Variants in MAD1L1 observed in about 807,000 individuals in gnomAD.
The protein encoded by MAD1L1 is mitotic arrest deficient 1 like 1.
In MAD1L1, 95 loss-of-function variants were observed where a neutral mutation model predicts 96.9. The observed-to-expected ratio is 0.98, with a 90% CI of 0.83 to 1.16. MAD1L1 has a LOEUF of 1.16. MAD1L1 is among the 50% of genes most tolerant of loss of function. The probability of loss-of-function intolerance (pLI) is 0.00; values close to 1 mark genes in which losing one functional copy is unlikely to be tolerated. For synonymous variants in MAD1L1, 473 were observed against 396.6 expected (o/e 1.19, Z -2.29); for missense variants, 1,007 against 954.4 (o/e 1.06, Z -0.73).
intron 17 of MAD1L1, among the ~76,000 whole-genome samples, chr7:1,911,204 C>A (rs1583754098): frequency 6.6e-6 from 1 of 152,152 alleles, no homozygotes. Flanking sequence ...TCAACACCCG[C>A]TGGACACCAG....
At chr7:2,037,144 G>A (rs1783475180) in intron 12 of MAD1L1, among the ~76,000 whole-genome samples, 1 of 152,110 alleles carries the variant, frequency 6.6e-6, no homozygotes, top group Non-Finnish European at 1.5e-5. Flanking sequence ...AGATCTCACC[G>A]GTTCCAGTGC....
At chr7:2,020,077 G>A (rs980096833) in intron 12 of MAD1L1, among the ~76,000 whole-genome samples, 2 of 152,240 alleles carry the variant, frequency 1.3e-5, no homozygotes, top group African/African-American at 4.8e-5. Context: ...CAGCAGCTGC[G>A]AGCTGTTGTG....
intron 10 of MAD1L1, among the ~76,000 whole-genome samples, chr7:2,182,326 A>T: frequency 6.6e-6 from 1 of 152,108 alleles, no homozygotes; most frequent in Non-Finnish European, 1.5e-5. Context: ...GGCTAACCAT[A>T]AGAAAAAAGA....
intron 18 of MAD1L1, chr7:1,847,262 C>A (rs1191670824): frequency 6.4e-6 from 3 of 470,928 alleles, no homozygotes; most frequent in Non-Finnish European, 1.3e-5. Flanking sequence ...CACTGGTTTT[C>A]TTTCGGGACA....
intron 16 of MAD1L1, among the ~76,000 whole-genome samples, chr7:1,939,263 G>GGC (rs1414291714): frequency 7.0e-6 from 1 of 143,530 alleles, no homozygotes; most frequent in Non-Finnish European, 1.5e-5. Context: ...CGGGACCAGA[G>GGC]GCGCGCGCAC....
chr7:1,966,573 AAAAC>A (rs373825568), intron 15 of MAD1L1, among the ~76,000 whole-genome samples: 27,885 of 111,920 alleles, frequency 0.25, 3,667 homozygotes, highest in Non-Finnish European at 0.3. Flanking sequence ...AAAAAAAAAA[AAAAC>A]AAAAAAAATC....
chr7:1,871,772 C>A (rs1472613375), intron 18 of MAD1L1, among the ~76,000 whole-genome samples: 1 of 152,162 alleles, frequency 6.6e-6, no homozygotes, highest in East Asian at 1.9e-4. Context: ...CCAACATACG[C>A]CTGCCACTCT....
chr7:1,857,988 G>T (rs980539620), intron 18 of MAD1L1, among the ~76,000 whole-genome samples: 4 of 152,226 alleles, frequency 2.6e-5, no homozygotes, highest in Non-Finnish European at 4.4e-5. Flanking sequence ...GCTGGCAACC[G>T]CTGTCCACAG....
chr7:2,177,000 G>A (rs187699333), intron 10 of MAD1L1, among the ~76,000 whole-genome samples: 45 of 152,282 alleles, frequency 3.0e-4, no homozygotes, highest in Middle Eastern at 6.8e-3. Context: ...ACTGTGAATC[G>A]CTAATATGTT....
At chr7:1,946,745 G>C (rs1377617748) in intron 16 of MAD1L1, among the ~76,000 whole-genome samples, 1 of 152,244 alleles carries the variant, frequency 6.6e-6, no homozygotes, top group African/African-American at 2.4e-5. Context: ...CTCCAGGCTG[G>C]GCCTAGGGTT....
intron 11 of MAD1L1, among the ~76,000 whole-genome samples, chr7:2,144,094 A>G (rs1789174702): frequency 6.6e-6 from 1 of 152,162 alleles, no homozygotes; most frequent in Non-Finnish European, 1.5e-5. Context: ...ACCTGCAAAC[A>G]CATCCCACAG....
intron 18 of MAD1L1, among the ~76,000 whole-genome samples, chr7:1,852,192 G>A (rs1250384403): frequency 6.6e-6 from 1 of 152,212 alleles, no homozygotes; most frequent in Non-Finnish European, 1.5e-5. Context: ...TGGGATGGAC[G>A]TGACCCAGCA....
chr7:1,950,311 CGTCT>C (rs1168387866), intron 16 of MAD1L1, among the ~76,000 whole-genome samples: 4 of 133,084 alleles, frequency 3.0e-5, no homozygotes, highest in East Asian at 5.2e-4. Context: ...TCACACCATC[CGTCT>C]GTCCGTCCGT....
intron 12 of MAD1L1, among the ~76,000 whole-genome samples, chr7:2,053,597 G>A (rs1338877855): frequency 1.3e-5 from 2 of 152,222 alleles, no homozygotes; most frequent in Non-Finnish European, 2.9e-5. Context: ...AGAGGAGGCT[G>A]CAGAGGTGGG....
chr7:2,096,499 C>T (rs532866139), intron 11 of MAD1L1, among the ~76,000 whole-genome samples: 1 of 151,984 alleles, frequency 6.6e-6, no homozygotes, highest in Admixed American at 6.6e-5. Flanking sequence ...TGTTAGCTGC[C>T]TTCATGGGAC....
At chr7:2,054,487 G>C (rs1369283312) in intron 12 of MAD1L1, among the ~76,000 whole-genome samples, 1 of 152,166 alleles carries the variant, frequency 6.6e-6, no homozygotes, top group African/African-American at 2.4e-5. Context: ...CCTCTCGGAG[G>C]GAGAGTGCAG....
At chr7:1,948,607 G>T (rs536665545) in intron 16 of MAD1L1, among the ~76,000 whole-genome samples, 1 of 152,194 alleles carries the variant, frequency 6.6e-6, no homozygotes. Flanking sequence ...GGTCATGCCT[G>T]TCCTGGTTCC....
At chr7:2,222,497 G>A in intron 5 of MAD1L1, 78 bp downstream of exon 5, 2 of 1,300,480 alleles carry the variant, frequency 1.5e-6, no homozygotes, top group Admixed American at 2.5e-5. Context: ...ACACAAGCGG[G>A]CACTGCAGTG....
In MAD1L1 at chr7:1,831,037, G is replaced by A. The variant is rs1184365223; in HGVS notation, c.1999-14809C>T. Among the ~76,000 whole-genome samples the A allele has an allele frequency of 1.2e-4, 19 of 152,356 alleles. No homozygotes were observed. The South Asian group carries it at 3.1e-3, about 25-fold the overall frequency. On this transcript the variant is annotated intron_variant, in intron 18 of 18. Coordinates refer to ENST00000265854, the MANE Select transcript of MAD1L1 (RefSeq NM_001013836.2). ...GAAGACGCAGTAGATTAAAAGTAAC[G>A]TGAAGCAGATACAGCGTGCTCACAG... is the stretch of plus-strand genomic sequence containing the variant.
Sources: gnomAD v4.1 joint callset for allele counts (sites outside exome capture counted in the v4.1 genomes callset) on GRCh38, gnomAD v4.1.1 for gene constraint, MANE v1.5 for transcripts, NCBI Gene and HGNC (gene_info 2026-07-23, HGNC 2026-07-21) for gene names.